Variants in BICC1 observed in about 807,000 individuals in gnomAD.
The protein encoded by BICC1 is protein bicaudal C homolog 1.
BICC1 carries 43 observed loss-of-function variants against 111.0 expected under a neutral mutation model. That is an observed-to-expected ratio of 0.39 (90% CI 0.30 to 0.50). The LOEUF is 0.50. Among genes scored for constraint, BICC1 ranks in the 20% least tolerant of loss-of-function variants. The pLI is 0.88. For synonymous variants in BICC1, 467 were observed against 434.4 expected (o/e 1.07, Z -0.93); for missense variants, 1,091 against 1,203.2 (o/e 0.91, Z 1.38).
At chr10:58,669,501 G>A (rs1453315635) in intron 2 of BICC1, among the ~76,000 whole-genome samples, 2 of 152,064 alleles carry the variant, frequency 1.3e-5, no homozygotes, top group African/African-American at 2.4e-5. Flanking sequence ...TTAATAAATT[G>A]TAGTTGCTAA....
chr10:58,618,530 CAA>C (rs1491494923), intron 1 of BICC1, among the ~76,000 whole-genome samples: 2 of 152,204 alleles, frequency 1.3e-5, no homozygotes, highest in Non-Finnish European at 2.9e-5. Flanking sequence ...TCACTCACAC[CAA>C]GAGAGAGAAT....
chr10:58,545,430 A>G (rs1350894733), intron 1 of BICC1, among the ~76,000 whole-genome samples: 3 of 152,194 alleles, frequency 2.0e-5, no homozygotes, highest in African/African-American at 4.8e-5. Flanking sequence ...CCTACTTTAC[A>G]TAAATAATAA....
chr10:58,569,332 A>G (rs979867131), intron 1 of BICC1, among the ~76,000 whole-genome samples: 2 of 152,066 alleles, frequency 1.3e-5, no homozygotes, highest in Non-Finnish European at 2.9e-5. Context: ...GTTGCAGTTC[A>G]CCTCATCACA....
intron 15 of BICC1, among the ~76,000 whole-genome samples, chr10:58,805,308 A>AC (rs1314227812): frequency 2.0e-5 from 3 of 149,426 alleles, no homozygotes; most frequent in East Asian, 3.9e-4. Flanking sequence ...CAAACAAACA[A>AC]ACAAACAAAA....
chr10:58,606,145 C>T (rs185994485), intron 1 of BICC1, among the ~76,000 whole-genome samples: 2 of 152,240 alleles, frequency 1.3e-5, no homozygotes, highest in East Asian at 3.9e-4. Flanking sequence ...TCACAGCTGT[C>T]ATCATGGAAT....
At chr10:58,546,779 GAAAAA>G (rs1389068261) in intron 1 of BICC1, among the ~76,000 whole-genome samples, 1 of 151,942 alleles carries the variant, frequency 6.6e-6, no homozygotes, top group Non-Finnish European at 1.5e-5. Context: ...AAATACTTAA[GAAAAA>G]AATCAATATT....
intron 17 of BICC1, among the ~76,000 whole-genome samples, chr10:58,807,935 C>G (rs1843762426): frequency 6.6e-6 from 1 of 152,130 alleles, no homozygotes; most frequent in African/African-American, 2.4e-5. Flanking sequence ...AGAGAGAGCA[C>G]TGTAGGCCAA....
At chr10:58,607,048 G>A (rs1291295954) in intron 1 of BICC1, among the ~76,000 whole-genome samples, 2 of 152,124 alleles carry the variant, frequency 1.3e-5, no homozygotes. Context: ...CTGGCGCGGT[G>A]TCTCACGCCT....
At chr10:58,782,126 G>A (rs1842899141) in intron 3 of BICC1, among the ~76,000 whole-genome samples, 1 of 152,084 alleles carries the variant, frequency 6.6e-6, no homozygotes, top group Non-Finnish European at 1.5e-5. Context: ...TGAGGCGTTT[G>A]CTTTTTATTT....
intron 1 of BICC1, among the ~76,000 whole-genome samples, chr10:58,578,949 G>A (rs1291778950): frequency 6.6e-6 from 1 of 152,186 alleles, no homozygotes. Context: ...TTTTAAGATA[G>A]TGAATGGCCA....
intron 3 of BICC1, among the ~76,000 whole-genome samples, chr10:58,775,604 G>C (rs902798559): frequency 5.3e-5 from 8 of 152,170 alleles, no homozygotes; most frequent in African/African-American, 1.9e-4. Context: ...TTAGGACTGA[G>C]AGATTAGGAT....
intron 2 of BICC1, among the ~76,000 whole-genome samples, chr10:58,624,928 AC>A (rs1400675363): frequency 6.6e-6 from 1 of 152,002 alleles, no homozygotes; most frequent in African/African-American, 2.4e-5. Context: ...CTATTTGTAC[AC>A]CCTTGGTCTT....
chr10:58,513,165 G>C lies in BICC1; in HGVS notation c.22G>C (p.Gly8Arg). 2 of 1,558,442 alleles carry C rather than the reference G, an allele frequency of 1.3e-6. No homozygotes were observed. The highest frequency in any genetic ancestry group is 1.2e-5 in the South Asian group (1 of 85,084). Reference sequence around the variant, plus strand: ...CACCATGGCCGCCCAGGGAGAGCCCGGCTACCTGGCGGCGCAGTCGGACCC... The same window carrying C: ...CACCATGGCCGCCCAGGGAGAGCCCCGCTACCTGGCGGCGCAGTCGGACCC... MAAQGEP[G>R]YLAAQSDPGS... The change falls in exon 1 of 21, where the codon GGC becomes CGC. Residue 8 changes from glycine (G) to arginine (R), a missense_variant. By Grantham distance (125) the Gly-to-Arg change is moderately radical. This residue lies in a region of BICC1 where 843 missense variants were observed against 900.8 expected (regional missense o/e 0.94). Coordinates refer to ENST00000373886, the MANE Select transcript of BICC1 (RefSeq NM_001080512.3).
intron 3 of BICC1, among the ~76,000 whole-genome samples, chr10:58,747,823 C>CTTG (rs1841877606): frequency 6.6e-6 from 1 of 152,096 alleles, no homozygotes; most frequent in Admixed American, 6.6e-5. Context: ...TGGCAAACCA[C>CTTG]ATTTCACAGG....
chr10:58,724,147 A>T (rs879886026), intron 3 of BICC1, among the ~76,000 whole-genome samples: 55 of 152,210 alleles, frequency 3.6e-4, no homozygotes, highest in Non-Finnish European at 5.9e-4. Context: ...TTGAAATGTT[A>T]CATGTCCAAA....
intron 18 of BICC1, among the ~76,000 whole-genome samples, chr10:58,815,671 G>A (rs1844064800): frequency 6.6e-6 from 1 of 151,418 alleles, no homozygotes; most frequent in African/African-American, 2.4e-5. Flanking sequence ...GTTTAAGAGA[G>A]ACTATAGAAA....
intron 2 of BICC1, chr10:58,648,653 G>A (rs1457116773): frequency 2.0e-6 from 2 of 984,696 alleles, no homozygotes. Context: ...CATATCTTTA[G>A]GCATCAGAAC....
chr10:58,577,552 C>A (rs894525457), intron 1 of BICC1, among the ~76,000 whole-genome samples: 2 of 152,104 alleles, frequency 1.3e-5, no homozygotes, highest in African/African-American at 4.8e-5. Flanking sequence ...CAGAGAGAGG[C>A]CAAAAGGGAC....
chr10:58,642,764 A>T (rs1029252860), intron 2 of BICC1, among the ~76,000 whole-genome samples: 14 of 151,828 alleles, frequency 9.2e-5, no homozygotes, highest in Non-Finnish European at 1.8e-4. Context: ...GAGTGCAGTG[A>T]TGTGATCACG....
Sources: allele counts gnomAD v4.1 joint callset (sites outside exome capture counted in the v4.1 genomes callset), GRCh38; gene constraint gnomAD v4.1.1; regional missense constraint gnomAD v4.1.1; transcripts MANE v1.5; gene names NCBI Gene and HGNC (gene_info 2026-07-23, HGNC 2026-07-21).